WRN: variants seen among roughly 807,000 people sequenced by gnomAD.
The protein encoded by WRN is bifunctional 3'-5' exonuclease/ATP-dependent helicase WRN.
In WRN, 149 loss-of-function variants were observed where a neutral mutation model predicts 180.7. That is an observed-to-expected ratio of 0.82 (90% CI 0.72 to 0.94). WRN has a LOEUF of 0.94. WRN is among the 40% of genes least tolerant of loss of function. The probability of loss-of-function intolerance (pLI) is 0.00; values close to 1 mark genes in which losing one functional copy is unlikely to be tolerated. For synonymous variants in WRN, 548 were observed against 568.9 expected (o/e 0.96, Z 0.52); for missense variants, 1,661 against 1,700.1 (o/e 0.98, Z 0.40).
At chr8:31,165,495 TTTAA>T (rs1340821426) in intron 33 of WRN, among the ~76,000 whole-genome samples, 22 of 152,092 alleles carry the variant, frequency 1.4e-4, no homozygotes, top group African/African-American at 3.4e-4. Flanking sequence ...GATAATATAA[TTTAA>T]TTAGTCTACT....
Position 31,052,397 on chromosome 8 carries a change from A to AT in WRN, c.-76-5965dup, listed in dbSNP as rs1306107916. ...ATTTATTTTATACAATTAGAGTCTA[A>AT]TTTTTTTTTTGAGACAGTCTTGCTC... On this transcript the variant is annotated intron_variant, in intron 1 of 34. Transcript: ENST00000298139. Among the ~76,000 whole-genome samples, 811 of 150,132 alleles carry AT rather than the reference A, an allele frequency of 5.4e-3. 6 individuals are homozygous for AT. Among genetic ancestry groups the AT allele is most frequent in the African/African-American group, 0.017 (703 of 41,010 alleles).
At chr8:31,057,882 A>T (rs1337154435) in intron 1 of WRN, among the ~76,000 whole-genome samples, 1 of 152,124 alleles carries the variant, frequency 6.6e-6, no homozygotes, top group Non-Finnish European at 1.5e-5. Flanking sequence ...CCTCTAAAAA[A>T]CTCATTCTTA....
chr8:31,111,938 T>G, intron 19 of WRN, 139 bp downstream of exon 19: 6 of 1,053,218 alleles, frequency 5.7e-6, no homozygotes, highest in Non-Finnish European at 8.3e-6. Context: ...TTGGTTCAAG[T>G]CAAGCATGAT....
intron 23 of WRN, among the ~76,000 whole-genome samples, chr8:31,125,263 G>GT (rs1209447744): frequency 2.0e-5 from 3 of 151,340 alleles, no homozygotes; most frequent in Non-Finnish European, 4.4e-5. Flanking sequence ...GGCGTAAATT[G>GT]TAAGAATTGG....
intron 21 of WRN, among the ~76,000 whole-genome samples, chr8:31,123,196 T>C (rs999115352): frequency 6.6e-6 from 1 of 152,098 alleles, no homozygotes; most frequent in Non-Finnish European, 1.5e-5. Flanking sequence ...ATTTACTCCC[T>C]GTCTGTTAGT....
chr8:31,144,006 A>G (rs774013757), intron 28 of WRN, among the ~76,000 whole-genome samples: 1 of 152,166 alleles, frequency 6.6e-6, no homozygotes, highest in African/African-American at 2.4e-5. Flanking sequence ...TTTCAAGTCT[A>G]TATTTGTCTA....
chr8:31,109,113 CCCCA>C (rs887642181), intron 18 of WRN, among the ~76,000 whole-genome samples: 8 of 152,154 alleles, frequency 5.3e-5, no homozygotes, highest in African/African-American at 1.9e-4. Context: ...GCAGTACCGC[CCCCA>C]GAACTACCAG....
intron 28 of WRN, among the ~76,000 whole-genome samples, chr8:31,145,132 A>G (rs898634242): frequency 6.6e-6 from 1 of 152,218 alleles, no homozygotes; most frequent in Non-Finnish European, 1.5e-5. Context: ...CAGAAGATCT[A>G]GCTAAGATCA....
chr8:31,153,919 CTCT>C (rs1664829495), intron 31 of WRN, among the ~76,000 whole-genome samples: 1 of 151,948 alleles, frequency 6.6e-6, no homozygotes, highest in African/African-American at 2.4e-5. Context: ...AGAGACGAGG[CTCT>C]TCTTTAAATT....
intron 1 of WRN, among the ~76,000 whole-genome samples, chr8:31,042,772 A>G (rs770352402): frequency 1.3e-5 from 2 of 152,200 alleles, no homozygotes; most frequent in Admixed American, 6.5e-5. Context: ...ATATCTAGGA[A>G]TCTATCCTAT....
chr8:31,142,556 A>C, intron 26 of WRN, 70 bp from the exon 27 acceptor site: 1 of 1,171,964 alleles, frequency 8.5e-7, no homozygotes, highest in Non-Finnish European at 1.2e-6. Flanking sequence ...CTGAGAATGG[A>C]GTATCATGAT....
At position 31,059,171 on chromosome 8, in the gene WRN, G is replaced by GT; in HGVS notation, c.120dup (p.Glu41Ter). ...ACTCAAGGCATGTGTTCGGAAGAGT[G>GT]TTTTTGAAGATGACCTCCCCTTCTT... On this transcript the variant is annotated frameshift_variant, in exon 3 of 35. Transcript: ENST00000298139. LOFTEE classifies it high-confidence loss of function. 1 of 1,613,816 alleles carries GT rather than the reference G, an allele frequency of 6.2e-7. No homozygotes were observed. The highest frequency in any genetic ancestry group is 8.5e-7 in the Non-Finnish European group (1 of 1,179,830).
chr8:31,138,818 G>A (rs1372993271), intron 24 of WRN, among the ~76,000 whole-genome samples: 4 of 152,018 alleles, frequency 2.6e-5, no homozygotes, highest in Non-Finnish European at 5.9e-5. Flanking sequence ...CCTATCAGAA[G>A]CCTATGTTTT....
chr8:31,125,522 G>A (rs2130346830), intron 23 of WRN, among the ~76,000 whole-genome samples: 2 of 66,656 alleles, frequency 3.0e-5, no homozygotes, highest in South Asian at 5.5e-4. Flanking sequence ...GAAATAGGAC[G>A]ATTGATATTA....
At chr8:31,105,269 T>C (rs1801049824) in intron 18 of WRN, among the ~76,000 whole-genome samples, 1 of 152,138 alleles carries the variant, frequency 6.6e-6, no homozygotes, top group Non-Finnish European at 1.5e-5. Flanking sequence ...CTTGAAATAA[T>C]TCTTTAGTAG....
chr8:31,068,245 TG>T lies in WRN; in HGVS notation c.655-12del, dbSNP rs1453214129. ...CTTTAGCATACTTTTTAAATTTTTC[TG>T]TTTTTTTATAGGCTGGTTTTATTAT... On this transcript the variant is annotated splice_polypyrimidine_tract_variant and intron_variant, in intron 6 of 34. Coordinates refer to ENST00000298139, the MANE Select transcript of WRN (RefSeq NM_000553.6). The T allele has an allele frequency of 6.3e-7, 1 of 1,588,692 alleles. No individual in the cohort carries two copies. Among genetic ancestry groups the T allele is most frequent in the African/African-American group, 1.3e-5 (1 of 74,498 alleles).
chr8:31,054,216 T>A (rs1812180840), intron 1 of WRN, among the ~76,000 whole-genome samples: 1 of 152,018 alleles, frequency 6.6e-6, no homozygotes, highest in South Asian at 2.1e-4. Flanking sequence ...GAATGCATGA[T>A]AATTTCATCA....
At position 31,100,970 on chromosome 8, in the gene WRN, G is replaced by A. The variant is rs1273673946; in HGVS notation, c.2088+15G>A. The A allele has an allele frequency of 6.2e-7, 1 of 1,603,644 alleles. No homozygotes were observed. The highest frequency in any genetic ancestry group is 8.5e-7 in the Non-Finnish European group (1 of 1,170,818). The stretch of plus-strand genomic sequence containing the variant: ...CACTGCCAATGGTAAGCTTTGCCAA[G>A]TCTGATGTCCCGAAATTACATTCTT... On this transcript the variant is annotated intron_variant, in intron 18 of 34. Coordinates refer to ENST00000298139, the MANE Select transcript of WRN (RefSeq NM_000553.6).
intron 32 of WRN, among the ~76,000 whole-genome samples, chr8:31,156,415 C>T (rs1465766454): frequency 1.3e-5 from 2 of 152,188 alleles, no homozygotes; most frequent in Non-Finnish European, 2.9e-5. Context: ...ATGCTTAGGA[C>T]TAATTAATCA....
Sources: allele counts gnomAD v4.1 joint callset (sites outside exome capture counted in the v4.1 genomes callset), GRCh38; gene constraint gnomAD v4.1.1; transcripts MANE v1.5; gene names NCBI Gene and HGNC (gene_info 2026-07-23, HGNC 2026-07-21).